The following GOLGA6L7 variants were observed in gnomAD, a reference collection of about 807,000 sequenced individuals.
GOLGA6L7 encodes the protein golgin subfamily A member 6-like protein 7.
GOLGA6L7 carries 29 observed loss-of-function variants against 68.9 expected under a neutral mutation model. That is an observed-to-expected ratio of 0.42 (90% CI 0.31 to 0.57). GOLGA6L7 has a LOEUF of 0.57. Among genes scored for constraint, GOLGA6L7 ranks in the 20% least tolerant of loss-of-function variants. The pLI is 0.13. For missense variants in GOLGA6L7, 396 were observed against 588.4 expected (o/e 0.67, Z 3.38); for synonymous variants, 133 against 197.4 (o/e 0.67, Z 2.73).
At chr15:28,844,320 C>A in intron 6 of GOLGA6L7, 57 bp from the exon 7 acceptor site, 2 of 450,110 alleles carry the variant, frequency 4.4e-6, no homozygotes, top group Non-Finnish European at 7.7e-6. Flanking sequence ...AGCTGGACGA[C>A]CAGTAACGAC....
Position 28,844,718 on chromosome 15 carries a change from T to C in GOLGA6L7, c.463-455A>G, listed in dbSNP as rs199839780. 7.2e-4 allele frequency among the ~76,000 whole-genome samples: 109 copies of C among 151,736 alleles called. 1 individual carries two copies. Among genetic ancestry groups the C allele is most frequent in the African/African-American group, 2.2e-3 (90 of 41,268 alleles). ...ATTGTTATTGCTATTACTGTTATTA[T>C]TACCACTGTTGGAACCTTTCTTGAG... On this transcript the variant is annotated intron_variant, in intron 6 of 8. Transcript: ENST00000567390.
In GOLGA6L7 at chr15:28,843,026, C is replaced by G. The variant is rs2030264063; in HGVS notation, c.1078G>C (p.Glu360Gln). The G allele has an allele frequency of 7.9e-7, 1 of 1,257,952 alleles. No individual in the cohort carries two copies. The highest frequency in any genetic ancestry group is 1.0e-6 in the Non-Finnish European group (1 of 1,002,686). The allele number at this position is 1,257,952 out of a possible 1,614,324, so 77.9% of individuals were successfully genotyped here. ...KQKEQMRKQE[E>Q]QMWKQEEQIG... ...TGCTCCTCCTGCTTCCACATCTGCTCCTCCTGCTTCCGCATCTGCTCCTTC... is the reference window on the plus strand; with the variant it reads ...TGCTCCTCCTGCTTCCACATCTGCTGCTCCTGCTTCCGCATCTGCTCCTTC... The change falls in exon 9 of 9, where the codon GAG becomes CAG. Residue 360 changes from glutamate to glutamine, a missense_variant. By Grantham distance (29) the Glu-to-Gln change is conservative. Transcript: ENST00000567390.
In GOLGA6L7 at chr15:28,842,940, C is replaced by T. The variant is rs2030256626; in HGVS notation, c.1164G>A (p.Glu388=). The change falls in exon 9 of 9, where the codon GAG becomes GAA. Residue 388 remains glutamate, a synonymous_variant. Coordinates refer to ENST00000567390, the MANE Select transcript of GOLGA6L7 (RefSeq NM_001365371.2). ...KQEEQMWKQE[E]QIGEQEEQMR... ...TCTGCTCCTCCTGCTCCCCTATCTG[C>T]TCCTCCTGCTTCCACATCTGCTCCT... 1 of 1,203,854 alleles carries T rather than the reference C, an allele frequency of 8.3e-7. No homozygotes were observed. Among genetic ancestry groups the T allele is most frequent in the Non-Finnish European group, 1.0e-6 (1 of 986,876 alleles). 74.6% of individuals were successfully genotyped at this position (1,203,854 alleles called of 1,614,324 possible).
rs956554922 is a variant in GOLGA6L7 at position 28,848,638 on chromosome 15, T to A, written c.-89A>T. ...CCTCCAGTCACGTACCACACAGCTA[T>A]GTGACTGAGCCACAGGAGGCGTCAC... On this transcript the variant is annotated 5_prime_UTR_variant, in exon 1 of 9. Coordinates refer to ENST00000567390, the MANE Select transcript of GOLGA6L7 (RefSeq NM_001365371.2). 6.7e-6 allele frequency: 5 copies of A among 743,400 alleles called. No individual in the cohort carries two copies. The African/African-American group carries it at 8.5e-5, about 13-fold the overall frequency. The allele number at this position is 743,400 out of a possible 1,614,324, so 46.1% of individuals were successfully genotyped here.
chr15:28,848,488 A>G lies in GOLGA6L7; in HGVS notation c.51+11T>C. The G allele has an allele frequency of 3.1e-6, 2 of 639,694 alleles. No individual in the cohort carries two copies. Among genetic ancestry groups the G allele is most frequent in the Non-Finnish European group, 5.7e-6 (2 of 348,182 alleles). 39.6% of individuals were successfully genotyped at this position (639,694 alleles called of 1,614,324 possible). The stretch of plus-strand genomic sequence containing the variant: ...GTTGGGGTTGGGGTGCTGCAATCCG[A>G]TGCGTTTTACCTTTTTCTTGGTCCC... On this transcript the variant is annotated intron_variant, in intron 1 of 8. Transcript: ENST00000567390.
intron 6 of GOLGA6L7, among the ~76,000 whole-genome samples, 167 bp from the exon 7 acceptor site, chr15:28,844,430 C>T (rs1266343909): frequency 9.3e-5 from 12 of 128,710 alleles, no homozygotes; most frequent in Admixed American, 1.7e-4. Context: ...TTTTTCTTTT[C>T]TTTTTTTTTT....
At position 28,845,824 on chromosome 15, in the gene GOLGA6L7, A is replaced by C. The variant is rs772329294; in HGVS notation, c.262-13T>G. Reference sequence around the variant, plus strand: ...TATGATCCTGGGCCTTTGGGAGACAAGAAAAGCAAGTGCTGAAAGAGAAGC... The same window carrying C: ...TATGATCCTGGGCCTTTGGGAGACACGAAAAGCAAGTGCTGAAAGAGAAGC... On this transcript the variant is annotated splice_polypyrimidine_tract_variant and intron_variant, in intron 4 of 8. Coordinates refer to ENST00000567390, the MANE Select transcript of GOLGA6L7 (RefSeq NM_001365371.2). 117 of 937,126 alleles carry C rather than the reference A, an allele frequency of 1.2e-4. No individual in the cohort carries two copies. Among genetic ancestry groups the C allele is most frequent in the Non-Finnish European group, 1.8e-4 (108 of 586,132 alleles). The allele number at this position is 937,126 out of a possible 1,614,324, so 58.1% of individuals were successfully genotyped here.
In GOLGA6L7 at chr15:28,845,914, T is replaced by G. The variant is rs765763479; in HGVS notation, c.247A>C (p.Arg83=). The G allele has an allele frequency of 3.0e-5, 38 of 1,281,628 alleles. No homozygotes were observed. In the Middle Eastern group the frequency reaches 5.5e-4, roughly 19 times the overall value. 79.4% of individuals were successfully genotyped at this position (1,281,628 alleles called of 1,614,324 possible). ...CCTCCACTCACCTCTAGCTGCCTCC[T>G]TAGGGCTTGCTGATGTTGGTGGCTT... The part of the protein sequence containing the change: ...KASHQHQQAL[R]RQLEAQDHTI... Residue 83 remains arginine, a synonymous_variant, in exon 4 of 9, where the codon AGG becomes CGG. Transcript: ENST00000567390.
chr15:28,842,390 C>A lies in GOLGA6L7; in HGVS notation c.1714G>T (p.Gly572Trp), dbSNP rs888038269. 2 of 1,224,382 alleles carry A rather than the reference C, an allele frequency of 1.6e-6. No individual in the cohort carries two copies. Among genetic ancestry groups the A allele is most frequent in the Non-Finnish European group, 2.0e-6 (2 of 976,842 alleles). 75.8% of individuals were successfully genotyped at this position (1,224,382 alleles called of 1,614,324 possible). The change falls in exon 9 of 9, where the codon GGG (glycine) becomes TGG (tryptophan). Residue 572 changes from glycine to tryptophan, a missense_variant. Coordinates refer to ENST00000567390, the MANE Select transcript of GOLGA6L7 (RefSeq NM_001365371.2). Reference protein sequence around the residue: ...PGSLEPAREAGKGYSHDNRTA... With the variant: ...PGSLEPAREAWKGYSHDNRTA... ...CGGTTGTCATGGGAATAACCCTTCCCGGCCTCTCGTGCAGGCTCCAGGCTG... is the reference window on the plus strand; with the variant it reads ...CGGTTGTCATGGGAATAACCCTTCCAGGCCTCTCGTGCAGGCTCCAGGCTG...
At chr15:28,845,003 G>C (rs967236357) in intron 6 of GOLGA6L7, 1 of 205,582 alleles carries the variant, frequency 4.9e-6, no homozygotes, top group Non-Finnish European at 9.8e-6. Context: ...ATGATACATT[G>C]GCATAGTCCA....
Position 28,842,578 on chromosome 15 carries a change from T to C in GOLGA6L7, c.1526A>G (p.Glu509Gly). 7.8e-7 allele frequency: 1 copy of C among 1,277,072 alleles called. No homozygotes were observed. Among genetic ancestry groups the C allele is most frequent in the Non-Finnish European group, 9.9e-7 (1 of 1,015,174 alleles). 79.1% of individuals were successfully genotyped at this position (1,277,072 alleles called of 1,614,324 possible). The part of the protein sequence containing the change: ...LQFKEERLWD[E>G]YEKMQEEEEK... ...CTCCTCCTCCTGCATCTTCTCATACTCATCCCACAGCCTCTCCTCCTTGAA... is the reference window on the plus strand; with the variant it reads ...CTCCTCCTCCTGCATCTTCTCATACCCATCCCACAGCCTCTCCTCCTTGAA... The change falls in exon 9 of 9, where the codon GAG becomes GGG. Residue 509 changes from glutamate to glycine, a missense_variant. By Grantham distance (98) the Glu-to-Gly change is moderately conservative (BLOSUM62 -2). Transcript: ENST00000567390.
chr15:28,843,071 C>A lies in GOLGA6L7; in HGVS notation c.1033G>T (p.Glu345Ter), dbSNP rs1225010761. The A allele has an allele frequency of 1.6e-6, 2 of 1,288,912 alleles. No homozygotes were observed. Among genetic ancestry groups the A allele is most frequent in the Non-Finnish European group, 2.0e-6 (2 of 1,021,540 alleles). 79.8% of individuals were successfully genotyped at this position (1,288,912 alleles called of 1,614,324 possible). A position where few individuals can be genotyped will look rare whatever the true frequency, so the allele number is the denominator to read the frequency against. ...GEQEEQMRKQ[E>*]KQMLKQKEQM... ...TCCTTCTGCTTCAGCATCTGCTTCT[C>A]CTGCTTCCGCATCTGCTCCTCCTGC... The change falls in exon 9 of 9, where the codon GAG becomes TAG. Residue 345 changes from glutamate to a stop codon, truncating the protein, a stop_gained. Coordinates refer to ENST00000567390, the MANE Select transcript of GOLGA6L7 (RefSeq NM_001365371.2). LOFTEE classifies it high-confidence loss of function.
Position 28,842,274 on chromosome 15 carries a change from G to T in GOLGA6L7, c.1830C>A (p.Tyr610Ter). 1 of 1,229,098 alleles carries T rather than the reference G, an allele frequency of 8.1e-7. No homozygotes were observed. 76.1% of individuals were successfully genotyped at this position (1,229,098 alleles called of 1,614,324 possible). The change falls in exon 9 of 9, where the codon TAC (tyrosine) becomes TAA (stop). Residue 610 changes from tyrosine to a stop codon, truncating the protein, a stop_gained. Coordinates refer to ENST00000567390, the MANE Select transcript of GOLGA6L7 (RefSeq NM_001365371.2). LOFTEE classifies it high-confidence loss of function. ...LGSTSCIPFF[Y>*]GGDKKKIKII... The stretch of plus-strand genomic sequence containing the variant: ...TCTTGATCTTTTTCTTGTCTCCTCC[G>T]TAGAAGAATGGGATGCAGGAGGTGC...
Position 28,841,949 on chromosome 15 carries a change from ATT to A in GOLGA6L7, c.*284_*285del, listed in dbSNP as rs200514876. On this transcript the variant is annotated 3_prime_UTR_variant, in exon 9 of 9. Coordinates refer to ENST00000567390, the MANE Select transcript of GOLGA6L7 (RefSeq NM_001365371.2). ...ATAGATATTAGAGTCCTCAGGTAGA[ATT>A]TTTTTTTTTTTTTTTGAAATGGGAG... The A allele has an allele frequency of 7.0e-3, 1,206 of 171,880 alleles. No individual in the cohort carries two copies. Among genetic ancestry groups the A allele is most frequent in the East Asian group, 0.015 (113 of 7,350 alleles). 10.6% of individuals were successfully genotyped at this position (171,880 alleles called of 1,614,324 possible).
Position 28,843,008 on chromosome 15 carries a change from C to T in GOLGA6L7, c.1096G>A (p.Glu366Lys), listed in dbSNP as rs1381513767. The part of the protein sequence containing the change: ...RKQEEQMWKQ[E>K]EQIGEQEEQM... ...TCCTCCTGCTCCCCTATCTGCTCCT[C>T]CTGCTTCCACATCTGCTCCTCCTGC... Residue 366 changes from glutamate to lysine, a missense_variant, in exon 9 of 9, where the codon GAG becomes AAG. This residue lies in a region of GOLGA6L7 where 114 missense variants were observed against 186.0 expected (regional missense o/e 0.61). Transcript: ENST00000567390. 8.0e-7 allele frequency: 1 copy of T among 1,243,226 alleles called. No homozygotes were observed. Among genetic ancestry groups the T allele is most frequent in the Non-Finnish European group, 1.0e-6 (1 of 994,902 alleles). 77.0% of individuals were successfully genotyped at this position (1,243,226 alleles called of 1,614,324 possible).
chr15:28,846,664 C>G, intron 2 of GOLGA6L7: 1 of 351,124 alleles, frequency 2.8e-6, no homozygotes, highest in East Asian at 7.3e-5. Context: ...CCCAAGGTTT[C>G]CATTCTAGTG....
intron 1 of GOLGA6L7, among the ~76,000 whole-genome samples, chr15:28,847,728 A>T (rs1176549618): frequency 6.6e-6 from 1 of 152,244 alleles, no homozygotes; most frequent in African/African-American, 2.4e-5. Flanking sequence ...CCCCATATGT[A>T]TCCTGTGGCA....
In GOLGA6L7 at chr15:28,843,253, T is replaced by G. The variant is rs2030283142; in HGVS notation, c.851A>C (p.Gln284Pro). 7.7e-7 allele frequency: 1 copy of G among 1,299,188 alleles called. No individual in the cohort carries two copies. The highest frequency in any genetic ancestry group is 3.5e-5 in the Admixed American group (1 of 28,244). 80.5% of individuals were successfully genotyped at this position (1,299,188 alleles called of 1,614,324 possible). A position where few individuals can be genotyped will look rare whatever the true frequency, so the allele number is the denominator to read the frequency against. Residue 284 changes from glutamine (Q) to proline (P), a missense_variant, in exon 9 of 9, where the codon CAG becomes CCG. Coordinates refer to ENST00000567390, the MANE Select transcript of GOLGA6L7 (RefSeq NM_001365371.2). ...QEQQMQEQEE[Q>P]MRKQEEQMRK... ...CATCTGCTCCTCCTGCTTCCGCATC[T>G]GCTCCTCCTGCTCCTGCATCTGCTG... is the stretch of plus-strand genomic sequence containing the variant.
intron 1 of GOLGA6L7, among the ~76,000 whole-genome samples, chr15:28,848,041 T>A (rs2030503479): frequency 6.6e-6 from 1 of 152,148 alleles, no homozygotes; most frequent in African/African-American, 2.4e-5. Flanking sequence ...ACCCAGGTAC[T>A]TGGAGACGTG....
Sources: allele counts gnomAD v4.1 joint callset (sites outside exome capture counted in the v4.1 genomes callset), GRCh38; gene constraint gnomAD v4.1.1; regional missense constraint gnomAD v4.1.1; transcripts MANE v1.5; gene names NCBI Gene and HGNC (gene_info 2026-07-23, HGNC 2026-07-21).